Variants in SLC38A1 observed in about 807,000 individuals in gnomAD.
SLC38A1 encodes the protein solute carrier family 38 member 1.
A neutral mutation model predicts 60.3 loss-of-function variants in SLC38A1; 18 were observed. The ratio of observed to expected loss-of-function variants is 0.30; its 90% confidence interval spans 0.21 to 0.44. SLC38A1 has a LOEUF of 0.44. Ranked by LOEUF, SLC38A1 falls within the 20% of genes least tolerant of loss-of-function variation. The pLI is 1.00. For synonymous variants in SLC38A1, 196 were observed against 212.1 expected (o/e 0.92, Z 0.66); for missense variants, 448 against 587.2 (o/e 0.76, Z 2.45).
At chr12:46,231,309 G>A (rs2137991265) in intron 3 of SLC38A1, among the ~76,000 whole-genome samples, 1 of 152,246 alleles carries the variant, frequency 6.6e-6, no homozygotes, top group African/African-American at 2.4e-5. Context: ...GAAGGTGGGA[G>A]GGGGCAAGGG....
chr12:46,255,208 G>A (rs543916565), intron 1 of SLC38A1, among the ~76,000 whole-genome samples: 3 of 152,316 alleles, frequency 2.0e-5, no homozygotes, highest in Middle Eastern at 3.4e-3. Flanking sequence ...ACGATTGTCT[G>A]TGGATAACAA....
intron 8 of SLC38A1, among the ~76,000 whole-genome samples, chr12:46,206,705 T>C (rs1270035210): frequency 1.3e-5 from 2 of 152,202 alleles, no homozygotes; most frequent in African/African-American, 4.8e-5. Context: ...AACACAATTG[T>C]GCCAAATGTA....
At position 46,186,333 on chromosome 12, in the gene SLC38A1, A is replaced by C. The variant is rs969785961; in HGVS notation, c.*2637T>G. 3 of 152,360 alleles carry C rather than the reference A, an allele frequency of 2.0e-5. No individual in the cohort carries two copies. Among genetic ancestry groups the C allele is most frequent in the South Asian group, 2.1e-4 (1 of 4,830 alleles). 9.4% of individuals were successfully genotyped at this position (152,360 alleles called of 1,614,324 possible). A position where few individuals can be genotyped will look rare whatever the true frequency, so the allele number is the denominator to read the frequency against. On this transcript the variant is annotated 3_prime_UTR_variant, in exon 17 of 17. Coordinates refer to ENST00000398637, the MANE Select transcript of SLC38A1 (RefSeq NM_030674.4). ...TCTAAGTCCAAAGTGTGGAACTGGC[A>C]CTGTTCACTAGTATAGAGATCCTAC...
chr12:46,197,612 C>T, intron 16 of SLC38A1, 108 bp downstream of exon 16: 6 of 754,662 alleles, frequency 8.0e-6, no homozygotes, highest in South Asian at 1.6e-5. Context: ...GCTTCTGCCT[C>T]CTTTCAAGGC....
At chr12:46,235,340 G>A (rs1941222790) in intron 3 of SLC38A1, among the ~76,000 whole-genome samples, 1 of 152,172 alleles carries the variant, frequency 6.6e-6, no homozygotes, top group South Asian at 2.1e-4. Context: ...ATGAGTGGTT[G>A]AACTTAAATG....
intron 9 of SLC38A1, among the ~76,000 whole-genome samples, 178 bp from the exon 10 acceptor site, chr12:46,204,768 T>A (rs1235297630): frequency 6.6e-6 from 1 of 152,154 alleles, no homozygotes; most frequent in South Asian, 2.1e-4. Flanking sequence ...GAATACAAGA[T>A]TTATTATTTG....
chr12:46,221,479 C>T (rs932694715), intron 5 of SLC38A1, among the ~76,000 whole-genome samples: 1 of 152,136 alleles, frequency 6.6e-6, no homozygotes, highest in Non-Finnish European at 1.5e-5. Flanking sequence ...ATCACATCTC[C>T]ACAGCCTACT....
At chr12:46,257,713 G>C (rs184034399) in intron 1 of SLC38A1, among the ~76,000 whole-genome samples, 1 of 152,264 alleles carries the variant, frequency 6.6e-6, no homozygotes, top group East Asian at 1.9e-4. Flanking sequence ...CCCAAAGCTA[G>C]CCTTTGGATC....
chr12:46,229,293 A>G, intron 4 of SLC38A1, 25 bp from the exon 5 acceptor site: 1 of 1,477,534 alleles, frequency 6.8e-7, no homozygotes, highest in South Asian at 1.2e-5. Context: ...AAACATTGAC[A>G]CTAAGCAAAA....
rs565635120 is a variant in SLC38A1, at chr12:46,231,780, C to T, written c.123-2141G>A. Among the ~76,000 whole-genome samples, 33 of 152,284 alleles carry T rather than the reference C, an allele frequency of 2.2e-4. 1 individual carries two copies. The highest frequency in any genetic ancestry group is 7.2e-4 in the African/African-American group (30 of 41,558). On this transcript the variant is annotated intron_variant, in intron 3 of 16. Transcript: ENST00000398637. Reference sequence around the variant, plus strand: ...TCAGCCTCCCAAGTAGCTGGGATTACAGGTATGCACCACCACGCCCAGCTA... The same window carrying T: ...TCAGCCTCCCAAGTAGCTGGGATTATAGGTATGCACCACCACGCCCAGCTA...
chr12:46,215,388 T>C (rs1940359290), intron 5 of SLC38A1, among the ~76,000 whole-genome samples: 1 of 152,186 alleles, frequency 6.6e-6, no homozygotes, highest in African/African-American at 2.4e-5. Flanking sequence ...TCTCATCTGC[T>C]TCCTTTGGTT....
chr12:46,234,668 C>T (rs1310114072), intron 3 of SLC38A1, among the ~76,000 whole-genome samples: 4 of 151,982 alleles, frequency 2.6e-5, no homozygotes, highest in African/African-American at 4.8e-5. Context: ...AGGATGGTAT[C>T]GATCTCCTGA....
intron 3 of SLC38A1, chr12:46,239,325 C>CTT (rs11343329): frequency 6.3e-5 from 9 of 143,712 alleles, no homozygotes; most frequent in Non-Finnish European, 9.1e-5. Context: ...TTTTTCTTTA[C>CTT]TTTTTTTTTT....
intron 16 of SLC38A1, among the ~76,000 whole-genome samples, chr12:46,195,462 T>C (rs936670914): frequency 2.0e-5 from 3 of 152,286 alleles, no homozygotes; most frequent in African/African-American, 4.8e-5. Flanking sequence ...GAGAGAACCA[T>C]TGCTCTCTTT....
intron 1 of SLC38A1, among the ~76,000 whole-genome samples, chr12:46,252,690 T>C (rs1487538684): frequency 6.6e-6 from 1 of 151,508 alleles, no homozygotes; most frequent in Non-Finnish European, 1.5e-5. Flanking sequence ...TGATCACTCA[T>C]ATATATATAT....
chr12:46,251,968 C>A (rs781049730), intron 1 of SLC38A1, among the ~76,000 whole-genome samples: 35 of 152,056 alleles, frequency 2.3e-4, no homozygotes, highest in Non-Finnish European at 4.3e-4. Flanking sequence ...TACCATTTGA[C>A]CCAGCAATCC....
intron 1 of SLC38A1, among the ~76,000 whole-genome samples, chr12:46,256,940 T>C (rs1401276898): frequency 6.6e-6 from 1 of 152,156 alleles, no homozygotes; most frequent in East Asian, 1.9e-4. Context: ...ATGTGGTGTC[T>C]GGGTAAGATG....
chr12:46,257,509 A>G (rs915519143), intron 1 of SLC38A1, among the ~76,000 whole-genome samples: 1 of 152,090 alleles, frequency 6.6e-6, no homozygotes, highest in African/African-American at 2.4e-5. Context: ...CAGGTACCCC[A>G]CCACTTACCC....
chr12:46,192,253 T>G (rs571371924), intron 16 of SLC38A1, among the ~76,000 whole-genome samples: 2 of 152,384 alleles, frequency 1.3e-5, no homozygotes, highest in East Asian at 3.9e-4. Flanking sequence ...TTGCATATGT[T>G]GAAGCAGCCT....
Sources: allele counts gnomAD v4.1 joint callset (sites outside exome capture counted in the v4.1 genomes callset), GRCh38; gene constraint gnomAD v4.1.1; transcripts MANE v1.5; gene names NCBI Gene and HGNC (gene_info 2026-07-23, HGNC 2026-07-21).